Variants in ROBO2 observed in about 807,000 individuals in gnomAD.
The protein encoded by ROBO2 is roundabout homolog 2.
ROBO2 carries 53 observed loss-of-function variants against 160.8 expected under a neutral mutation model. That is an observed-to-expected ratio of 0.33 (90% confidence interval 0.26 to 0.41). The LOEUF is 0.41. Among genes scored for constraint, ROBO2 ranks in the 10% least tolerant of loss-of-function variants. The probability of loss-of-function intolerance (pLI) is 1.00; values close to 1 mark genes in which losing one functional copy is unlikely to be tolerated. For synonymous variants in ROBO2, 664 were observed against 611.7 expected (o/e 1.09, Z -1.26); for missense variants, 1,577 against 1,722.4 (o/e 0.92, Z 1.49).
intron 2 of ROBO2, among the ~76,000 whole-genome samples, chr3:77,023,403 G>T (rs2062763672): frequency 6.6e-6 from 1 of 152,008 alleles, no homozygotes; most frequent in Non-Finnish European, 1.5e-5. Flanking sequence ...TTGTCCTTTT[G>T]TGACTGGCTC....
intron 2 of ROBO2, among the ~76,000 whole-genome samples, chr3:76,322,163 CGTAT>C (rs1354762230): frequency 7.2e-4 from 29 of 40,156 alleles, no homozygotes; most frequent in African/African-American, 2.8e-4. Flanking sequence ...CTACTTCTTC[CGTAT>C]ATATATATAT....
intron 2 of ROBO2, among the ~76,000 whole-genome samples, chr3:76,065,317 T>G (rs2107917772): frequency 6.6e-6 from 1 of 152,246 alleles, no homozygotes; most frequent in East Asian, 1.9e-4. Context: ...TATCAGGATA[T>G]TTTAAATAAC....
chr3:76,588,337 G>A lies in ROBO2; in HGVS notation c.110-509677G>A, dbSNP rs567837330. ...GAATCTATTAAATTCCCACTGAATG[G>A]ATTTGTTTCTGCATTTAAAATAGCC... On this transcript the variant is annotated intron_variant, in intron 2 of 26. Transcript: ENST00000487694. 3.9e-5 allele frequency among the ~76,000 whole-genome samples: 6 copies of A among 152,280 alleles called. No homozygotes were observed. The South Asian group carries it at 1.2e-3, about 32-fold the overall frequency.
chr3:77,488,377 AT>A (rs1391888620), intron 4 of ROBO2, among the ~76,000 whole-genome samples: 2 of 152,242 alleles, frequency 1.3e-5, no homozygotes, highest in Non-Finnish European at 2.9e-5. Flanking sequence ...GATCTAATTG[AT>A]AAGCAGTCAG....
At chr3:77,283,040 T>A (rs1466234536) in intron 2 of ROBO2, among the ~76,000 whole-genome samples, 2 of 152,146 alleles carry the variant, frequency 1.3e-5, no homozygotes, top group African/African-American at 2.4e-5. Flanking sequence ...TGTACAACTT[T>A]GTTGTTTTTT....
exon 14 of ROBO2, chr3:77,574,634 A>G: frequency 1.2e-6 from 2 of 1,613,234 alleles, no homozygotes; most frequent in East Asian, 4.5e-5. Flanking sequence ...AGTCAACCTG[A>G]AAAAGGGGGT....
intron 2 of ROBO2, among the ~76,000 whole-genome samples, chr3:76,391,065 TAGCA>T (rs1158838623): frequency 6.6e-6 from 1 of 152,062 alleles, no homozygotes; most frequent in East Asian, 1.9e-4. Context: ...GCCTAGTAAA[TAGCA>T]AGCATTCAAT....
intron 2 of ROBO2, among the ~76,000 whole-genome samples, chr3:76,273,318 A>T (rs1034476360): frequency 1.3e-5 from 2 of 151,424 alleles, no homozygotes; most frequent in African/African-American, 4.8e-5. Flanking sequence ...TAGAATAATA[A>T]GATTTTGACT....
At chr3:76,854,065 TCTTTCTCTGTCTGC>T (rs2069760008) in intron 2 of ROBO2, among the ~76,000 whole-genome samples, 4 of 76,938 alleles carry the variant, frequency 5.2e-5, no homozygotes, top group Non-Finnish European at 5.8e-5. Context: ...TCTCTCTCTC[TCTTTCTCTGTCTGC>T]CTCTCTCTCT....
rs182734907 is a variant in ROBO2 at position 76,214,861 on chromosome 3, C to T, written c.109+277259C>T. 1.3e-3 allele frequency among the ~76,000 whole-genome samples: 193 copies of T among 152,330 alleles called. No homozygotes were observed. The Middle Eastern group carries it at 0.014, about 11-fold the overall frequency. ...GGAGATCTGAGAACGGGCAGACTGCCTCCTCAAGTGGGTCCCTGACTCCCG... is the reference window on the plus strand; with the variant it reads ...GGAGATCTGAGAACGGGCAGACTGCTTCCTCAAGTGGGTCCCTGACTCCCG... On this transcript the variant is annotated intron_variant, in intron 2 of 26. Transcript: ENST00000487694.
intron 1 of ROBO2, among the ~76,000 whole-genome samples, chr3:77,064,416 A>G (rs1211785434): frequency 6.7e-6 from 1 of 148,498 alleles, no homozygotes; most frequent in Non-Finnish European, 1.5e-5. Context: ...GCTGGAGTAC[A>G]GTGGCACAAT....
intron 2 of ROBO2, among the ~76,000 whole-genome samples, chr3:76,085,242 C>T (rs909871531): frequency 1.3e-5 from 2 of 151,300 alleles, no homozygotes; most frequent in African/African-American, 4.9e-5. Context: ...CATTGACAAA[C>T]CAATTCATTC....
chr3:76,491,209 A>G (rs775127656), intron 2 of ROBO2, among the ~76,000 whole-genome samples: 6 of 152,080 alleles, frequency 3.9e-5, no homozygotes, highest in Non-Finnish European at 7.4e-5. Flanking sequence ...CCGACCTCCC[A>G]AAGTGCTGGG....
chr3:76,984,013 T>C lies in ROBO2; in HGVS notation c.110-114001T>C, dbSNP rs984118413. 4.6e-5 allele frequency among the ~76,000 whole-genome samples: 7 copies of C among 152,248 alleles called. No individual in the cohort carries two copies. The East Asian group carries it at 1.4e-3, about 30-fold the overall frequency. On this transcript the variant is annotated intron_variant, in intron 2 of 26. Coordinates refer to the ROBO2 transcript ENST00000487694. ...GCACCTTGTTCACAGGGCAGCAGGATGGAGTGAGTGCCAGCAGGGGAAATG... is the reference window on the plus strand; with the variant it reads ...GCACCTTGTTCACAGGGCAGCAGGACGGAGTGAGTGCCAGCAGGGGAAATG...
At chr3:76,390,518 T>C (rs2077099250) in intron 2 of ROBO2, among the ~76,000 whole-genome samples, 1 of 152,196 alleles carries the variant, frequency 6.6e-6, no homozygotes, top group Non-Finnish European at 1.5e-5. Flanking sequence ...TTTTTACCAG[T>C]ATGCTAGACA....
chr3:76,248,291 T>G (rs1036339560), intron 2 of ROBO2, among the ~76,000 whole-genome samples: 4 of 152,124 alleles, frequency 2.6e-5, no homozygotes, highest in Non-Finnish European at 5.9e-5. Context: ...CACACATACA[T>G]CATGGAATAC....
intron 2 of ROBO2, among the ~76,000 whole-genome samples, chr3:76,825,513 T>C (rs1185220): frequency 0.26 from 39,247 of 149,188 alleles, 5,470 homozygotes; most frequent in East Asian, 0.45. Flanking sequence ...GCAAATTCCT[T>C]ATCCTTACAT....
intron 2 of ROBO2, among the ~76,000 whole-genome samples, chr3:76,256,357 T>TAC (rs746860395): frequency 0.027 from 2,845 of 106,534 alleles, 135 homozygotes; most frequent in African/African-American, 0.094. Flanking sequence ...CTCTCTCACA[T>TAC]ACACACACAC....
chr3:76,931,710 C>A (rs1226031988), intron 2 of ROBO2, among the ~76,000 whole-genome samples: 1 of 152,034 alleles, frequency 6.6e-6, no homozygotes, highest in Admixed American at 6.6e-5. Context: ...GAGACAGAGT[C>A]TCACTCTGTC....
Sources: allele counts gnomAD v4.1 joint callset (sites outside exome capture counted in the v4.1 genomes callset), GRCh38; gene constraint gnomAD v4.1.1; transcripts MANE v1.5; gene names NCBI Gene and HGNC (gene_info 2026-07-23, HGNC 2026-07-21).